RABGAP1L: variants seen among roughly 807,000 people sequenced by gnomAD.
The protein encoded by RABGAP1L is RAB GTPase activating protein 1 like.
A neutral mutation model predicts 137.7 loss-of-function variants in RABGAP1L; 63 were observed. The ratio of observed to expected loss-of-function variants is 0.46; its 90% CI spans 0.37 to 0.56. The LOEUF (loss-of-function observed/expected upper bound fraction) is 0.56. RABGAP1L is among the 20% of genes least tolerant of loss of function. RABGAP1L has a pLI of 0.00. For missense variants in RABGAP1L, 1,095 were observed against 1,244.0 expected (o/e 0.88, Z 1.80); for synonymous variants, 431 against 433.7 (o/e 0.99, Z 0.08).
intron 13 of RABGAP1L, among the ~76,000 whole-genome samples, chr1:174,628,712 C>T (rs531432176): frequency 7.9e-4 from 120 of 152,194 alleles, no homozygotes; most frequent in Admixed American, 1.9e-3. Context: ...CTCTGAGGTA[C>T]AAAATGGGAG....
chr1:174,477,890 T>C (rs947733866), intron 13 of RABGAP1L, among the ~76,000 whole-genome samples: 2 of 152,162 alleles, frequency 1.3e-5, no homozygotes, highest in African/African-American at 2.4e-5. Flanking sequence ...GAGATTTTTT[T>C]CAAGTATTTA....
intron 13 of RABGAP1L, among the ~76,000 whole-genome samples, chr1:174,537,074 G>A (rs534243875): frequency 6.6e-6 from 1 of 152,290 alleles, no homozygotes; most frequent in South Asian, 2.1e-4. Context: ...CTTTGAAGTA[G>A]TTGGTTGCCT....
At chr1:174,424,794 C>A (rs75642150) in intron 13 of RABGAP1L, among the ~76,000 whole-genome samples, 2,546 of 152,010 alleles carry the variant, frequency 0.017, 71 homozygotes, top group African/African-American at 0.058. Flanking sequence ...TCACATCATT[C>A]ATGACACAAT....
intron 13 of RABGAP1L, among the ~76,000 whole-genome samples, chr1:174,438,742 GTGTATATATATATATA>G (rs1558234882): frequency 1.5e-5 from 1 of 65,802 alleles, no homozygotes; most frequent in African/African-American, 1.4e-4. Context: ...AAGTGTGTGT[GTGTATATATATATATA>G]TATATATATA....
chr1:174,479,749 A>G (rs1453758018), intron 13 of RABGAP1L, among the ~76,000 whole-genome samples: 2 of 152,218 alleles, frequency 1.3e-5, no homozygotes, highest in Admixed American at 6.5e-5. Flanking sequence ...GGTGAAGACC[A>G]TAGCTCATTC....
chr1:174,400,467 A>G (rs1648436431), intron 13 of RABGAP1L, among the ~76,000 whole-genome samples: 1 of 152,112 alleles, frequency 6.6e-6, no homozygotes, highest in Admixed American at 6.5e-5. Context: ...TCTAGATGAT[A>G]AATAAAATTT....
In RABGAP1L at chr1:174,728,978, C is replaced by G. The variant is rs536494710; in HGVS notation, c.2170-23335C>G. Among the ~76,000 whole-genome samples the G allele has an allele frequency of 1.4e-4, 22 of 152,056 alleles. No individual in the cohort carries two copies. In the South Asian group the frequency reaches 1.7e-3, roughly 11 times the overall value. ...TTTGACAGAACTAAATAAAACTATT[C>G]AAAAAATTCGTATGGACCCAAAAGA... is the stretch of plus-strand genomic sequence containing the variant. On this transcript the variant is annotated intron_variant, in intron 17 of 25. Transcript: ENST00000681986.
chr1:174,595,903 G>T (rs1218172809), intron 13 of RABGAP1L, among the ~76,000 whole-genome samples: 1 of 108,244 alleles, frequency 9.2e-6, no homozygotes, highest in Non-Finnish European at 1.8e-5. Flanking sequence ...CTTCCCTGCT[G>T]CTTTGTTTAC....
At chr1:174,635,443 C>G (rs963860265) in intron 13 of RABGAP1L, among the ~76,000 whole-genome samples, 20 of 151,990 alleles carry the variant, frequency 1.3e-4, no homozygotes, top group Non-Finnish European at 2.5e-4. Context: ...GCCTGGTTAC[C>G]AGATTTTTGT....
chr1:174,579,667 G>A (rs1668601214), intron 13 of RABGAP1L, among the ~76,000 whole-genome samples: 1 of 152,140 alleles, frequency 6.6e-6, no homozygotes, highest in Non-Finnish European at 1.5e-5. Context: ...AAGACCACAG[G>A]TCACTATCTC....
At chr1:174,862,493 T>C (rs897701854) in intron 19 of RABGAP1L, among the ~76,000 whole-genome samples, 1 of 152,148 alleles carries the variant, frequency 6.6e-6, no homozygotes, top group Non-Finnish European at 1.5e-5. Context: ...AGTGTAGAAG[T>C]GGGTGTAATG....
chr1:174,681,184 T>A (rs1678038894), intron 14 of RABGAP1L, among the ~76,000 whole-genome samples: 1 of 152,176 alleles, frequency 6.6e-6, no homozygotes, highest in African/African-American at 2.4e-5. Context: ...AAACTTACAT[T>A]TAACATTTGA....
At chr1:174,457,825 T>C (rs1295654437) in intron 13 of RABGAP1L, among the ~76,000 whole-genome samples, 3 of 152,126 alleles carry the variant, frequency 2.0e-5, no homozygotes, top group African/African-American at 7.2e-5. Context: ...AGACCACTTT[T>C]TCTAGAGTTG....
chr1:174,747,975 C>T (rs1684016241), intron 17 of RABGAP1L, among the ~76,000 whole-genome samples: 1 of 151,752 alleles, frequency 6.6e-6, no homozygotes, highest in African/African-American at 2.4e-5. Context: ...CTGGCACATA[C>T]TTTATCTTGT....
chr1:174,396,343 TCA>T (rs1445394646), intron 13 of RABGAP1L, among the ~76,000 whole-genome samples: 1 of 152,104 alleles, frequency 6.6e-6, no homozygotes, highest in East Asian at 1.9e-4. Flanking sequence ...TAGAAAAATT[TCA>T]CACACACAAA....
chr1:174,949,985 A>G (rs891493921), intron 19 of RABGAP1L, among the ~76,000 whole-genome samples: 19 of 152,230 alleles, frequency 1.2e-4, no homozygotes, highest in South Asian at 6.2e-4. Context: ...ATTCTGGAGT[A>G]AGCCACAAAC....
intron 15 of RABGAP1L, among the ~76,000 whole-genome samples, chr1:174,693,027 C>T (rs1019483329): frequency 5.3e-5 from 8 of 152,220 alleles, no homozygotes; most frequent in African/African-American, 1.4e-4. Flanking sequence ...TTTGTATATT[C>T]ATGATCTGTT....
chr1:174,296,126 A>G (rs1332329348), intron 10 of RABGAP1L, among the ~76,000 whole-genome samples: 2 of 152,172 alleles, frequency 1.3e-5, no homozygotes, highest in Non-Finnish European at 2.9e-5. Context: ...CAAGAGAGGA[A>G]ATAGTTTCCA....
At chr1:174,736,448 G>A (rs911866603) in intron 17 of RABGAP1L, among the ~76,000 whole-genome samples, 7 of 152,246 alleles carry the variant, frequency 4.6e-5, no homozygotes, top group African/African-American at 1.7e-4. Context: ...CAGCCCACAT[G>A]ACTGCTCTCA....
Sources: gnomAD v4.1 joint callset for allele counts (sites outside exome capture counted in the v4.1 genomes callset) on GRCh38, gnomAD v4.1.1 for gene constraint, MANE v1.5 for transcripts, NCBI Gene and HGNC (gene_info 2026-07-23, HGNC 2026-07-21) for gene names.